Variants in ADGRV1 observed in about 807,000 individuals in gnomAD.
ADGRV1 encodes the protein adhesion G protein-coupled receptor V1.
ADGRV1 carries 359 observed loss-of-function variants against 596.2 expected under a neutral mutation model. The observed-to-expected ratio is 0.60, with a 90% CI of 0.55 to 0.66. The LOEUF (loss-of-function observed/expected upper bound fraction) is 0.66. Among genes scored for constraint, ADGRV1 ranks in the 30% least tolerant of loss-of-function variants. ADGRV1 has a pLI of 0.00. For synonymous variants in ADGRV1, 2,681 were observed against 2,679.2 expected (o/e 1.00, Z -0.02); for missense variants, 7,274 against 7,575.6 (o/e 0.96, Z 1.48).
At chr5:90,616,631 A>G (rs568160052) in intron 2 of ADGRV1, among the ~76,000 whole-genome samples, 57 of 152,272 alleles carry the variant, frequency 3.7e-4, no homozygotes, top group African/African-American at 1.3e-3. Flanking sequence ...TGATATTTTA[A>G]TATTTGTATA....
At chr5:90,689,660 G>A (rs907651658) in intron 29 of ADGRV1, among the ~76,000 whole-genome samples, 7 of 151,848 alleles carry the variant, frequency 4.6e-5, no homozygotes, top group South Asian at 2.1e-4. Flanking sequence ...AGTCTTTTTC[G>A]TTATTTTGTG....
chr5:90,578,967 T>C (rs1757601278), intron 1 of ADGRV1, among the ~76,000 whole-genome samples: 1 of 152,176 alleles, frequency 6.6e-6, no homozygotes, highest in South Asian at 2.1e-4. Flanking sequence ...ATATCATTTT[T>C]TATTGAGTCT....
chr5:90,829,272 C>A (rs1274005243), intron 77 of ADGRV1, 86 bp downstream of exon 77: 2 of 1,088,614 alleles, frequency 1.8e-6, no homozygotes, highest in Non-Finnish European at 2.5e-6. Context: ...ATAATTGATA[C>A]ATTATTTTCT....
Position 90,956,290 on chromosome 5 carries a change from T to C in ADGRV1, c.17857-9125T>C, listed in dbSNP as rs909264877. Among the ~76,000 whole-genome samples the C allele has an allele frequency of 1.3e-4, 20 of 152,192 alleles. 1 individual carries two copies. The highest frequency in any genetic ancestry group is 4.6e-4 in the African/African-American group (19 of 41,472). On this transcript the variant is annotated intron_variant, in intron 83 of 89. Transcript: ENST00000405460. ...ATCAGTTGTATTCAGATTCTGGCCA[T>C]GTATCCACTACCAAAATAAAATGAA...
rs566487506 is a variant in ADGRV1, at chr5:90,732,186, T to A, written c.10549+2422T>A. 3.7e-4 allele frequency among the ~76,000 whole-genome samples: 57 copies of A among 152,240 alleles called. No homozygotes were observed. In the South Asian group the frequency reaches 7.9e-3, roughly 21 times the overall value. Reference sequence around the variant, plus strand: ...CACATAATTAAAAAAAAGTTTTTTTTAAAAGTGGAGTTTCTTTGTGTTGCC... The same window carrying A: ...CACATAATTAAAAAAAAGTTTTTTTAAAAAGTGGAGTTTCTTTGTGTTGCC... On this transcript the variant is annotated intron_variant, in intron 50 of 89. Transcript: ENST00000405460.
chr5:91,125,245 G>A (rs958651000), intron 87 of ADGRV1, among the ~76,000 whole-genome samples: 1 of 152,184 alleles, frequency 6.6e-6, no homozygotes, highest in African/African-American at 2.4e-5. Context: ...AAACTTGTAC[G>A]AGAGTCTTTT....
At chr5:90,803,957 C>G (rs1761655233) in intron 71 of ADGRV1, among the ~76,000 whole-genome samples, 1 of 152,048 alleles carries the variant, frequency 6.6e-6, no homozygotes, top group Non-Finnish European at 1.5e-5. Context: ...ACATTCACAT[C>G]TTTGGTGTAA....
chr5:90,933,204 A>G (rs897179338), intron 83 of ADGRV1, among the ~76,000 whole-genome samples: 4 of 152,162 alleles, frequency 2.6e-5, no homozygotes, highest in Non-Finnish European at 5.9e-5. Context: ...AACAAAATTT[A>G]CTCATGGTGT....
At chr5:91,125,345 C>T (rs939835053) in intron 87 of ADGRV1, among the ~76,000 whole-genome samples, 2 of 152,106 alleles carry the variant, frequency 1.3e-5, no homozygotes, top group South Asian at 2.1e-4. Flanking sequence ...AATATCATTT[C>T]CCCCCAAAAG....
At chr5:90,808,584 C>G (rs1055583407) in intron 73 of ADGRV1, among the ~76,000 whole-genome samples, 1 of 152,200 alleles carries the variant, frequency 6.6e-6, no homozygotes, top group Non-Finnish European at 1.5e-5. Context: ...TTAACAGCAA[C>G]AATAGTTATT....
In ADGRV1 at chr5:90,711,199, A is replaced by G. The variant is rs1209764996; in HGVS notation, c.8919A>G (p.Glu2973=). 1 of 1,611,720 alleles carries G rather than the reference A, an allele frequency of 6.2e-7. No individual in the cohort carries two copies. Among genetic ancestry groups the G allele is most frequent in the East Asian group, 2.2e-5 (1 of 44,866 alleles). The stretch of plus-strand genomic sequence containing the variant: ...TATATTATAGGTTTGAAGTAAATGA[A>G]ACCCATGGAAGTTTAACATTGGTAG... ...EWQQSRFEVN[E]THGSLTLVAQ... is the part of the protein sequence containing the mutation. The change falls in exon 41 of 90, where the codon GAA becomes GAG. Residue 2973 remains glutamate (E), a synonymous_variant. Coordinates refer to ENST00000405460, the MANE Select transcript of ADGRV1 (RefSeq NM_032119.4).
intron 75 of ADGRV1, chr5:90,822,124 C>T (rs1325759104): frequency 2.4e-4 from 37 of 155,264 alleles, no homozygotes; most frequent in Non-Finnish European, 3.0e-4. Flanking sequence ...CGTGGTGTGC[C>T]GTTTTTTAAG....
chr5:91,041,645 A>G (rs1434783209), intron 85 of ADGRV1, among the ~76,000 whole-genome samples: 1 of 152,192 alleles, frequency 6.6e-6, no homozygotes, highest in African/African-American at 2.4e-5. Context: ...TTAAAAAAAA[A>G]AAAAGAGAGA....
At chr5:90,729,386 T>TA (rs1308458229) in intron 49 of ADGRV1, among the ~76,000 whole-genome samples, 2 of 152,144 alleles carry the variant, frequency 1.3e-5, no homozygotes, top group African/African-American at 2.4e-5. Context: ...GCAACATTCC[T>TA]AAAAAAATTA....
intron 83 of ADGRV1, among the ~76,000 whole-genome samples, chr5:90,956,124 A>G (rs1328483587): frequency 1.3e-5 from 2 of 152,204 alleles, no homozygotes; most frequent in African/African-American, 4.8e-5. Flanking sequence ...AGTCCAAGGA[A>G]TTCCATAAGA....
Position 90,672,532 on chromosome 5 carries a change from A to AATTT in ADGRV1, c.4753-14_4753-13insATTT. The AATTT allele has an allele frequency of 1.2e-6, 2 of 1,606,142 alleles. No homozygotes were observed. The highest frequency in any genetic ancestry group is 1.7e-6 in the Non-Finnish European group (2 of 1,173,860). ...ATTGCTATGCACCTATTAATAATTT[A>AATTT]CATTCAATTTCAGATTGCAGAGGAG... On this transcript the variant is annotated splice_polypyrimidine_tract_variant and intron_variant, in intron 21 of 89. Coordinates refer to ENST00000405460, the MANE Select transcript of ADGRV1 (RefSeq NM_032119.4).
intron 21 of ADGRV1, among the ~76,000 whole-genome samples, chr5:90,658,835 T>C (rs1769816814): frequency 6.6e-6 from 1 of 152,184 alleles, no homozygotes; most frequent in South Asian, 2.1e-4. Flanking sequence ...CAAAGATTCG[T>C]AATCATCTTG....
chr5:91,144,812 A>C (rs531128957), intron 87 of ADGRV1, among the ~76,000 whole-genome samples: 18 of 152,232 alleles, frequency 1.2e-4, no homozygotes, highest in Admixed American at 4.6e-4. Context: ...GAGTAACTTG[A>C]GATTAGGAGC....
At chr5:90,936,217 A>G (rs1052316299) in intron 83 of ADGRV1, among the ~76,000 whole-genome samples, 3 of 152,136 alleles carry the variant, frequency 2.0e-5, no homozygotes, top group Non-Finnish European at 2.9e-5. Flanking sequence ...TATGGATCCA[A>G]TTTAGTTATT....
Sources: gnomAD v4.1 joint callset for allele counts (sites outside exome capture counted in the v4.1 genomes callset) on GRCh38, gnomAD v4.1.1 for gene constraint, MANE v1.5 for transcripts, NCBI Gene and HGNC (gene_info 2026-07-23, HGNC 2026-07-21) for gene names.